FARS2: variants seen among roughly 807,000 people sequenced by gnomAD.
FARS2 encodes the protein phenylalanine--tRNA ligase, mitochondrial.
A neutral mutation model predicts 46.4 loss-of-function variants in FARS2; 40 were observed. The observed-to-expected ratio is 0.86, with a 90% confidence interval of 0.67 to 1.12. The LOEUF (loss-of-function observed/expected upper bound fraction) is 1.12. Ranked by LOEUF, FARS2 falls within the 50% of genes most tolerant of loss-of-function variation. The probability of loss-of-function intolerance (pLI) is 0.00; values close to 1 mark genes in which losing one functional copy is unlikely to be tolerated. For synonymous variants in FARS2, 234 were observed against 214.9 expected (o/e 1.09, Z -0.78); for missense variants, 513 against 567.9 (o/e 0.90, Z 0.98).
At chr6:5,620,842 T>C (rs1055173188) in intron 6 of FARS2, among the ~76,000 whole-genome samples, 2 of 152,222 alleles carry the variant, frequency 1.3e-5, no homozygotes, top group African/African-American at 4.8e-5. Context: ...CTGCCCAGGG[T>C]CTAGTTAGCC....
At chr6:5,698,275 A>T (rs529697339) in intron 6 of FARS2, among the ~76,000 whole-genome samples, 53 of 152,316 alleles carry the variant, frequency 3.5e-4, no homozygotes, top group African/African-American at 1.2e-3. Flanking sequence ...GGAAGCTCAC[A>T]ATCATGGTGG....
chr6:5,520,710 T>C (rs1769081514), intron 4 of FARS2, among the ~76,000 whole-genome samples: 1 of 152,178 alleles, frequency 6.6e-6, no homozygotes, highest in South Asian at 2.1e-4. Context: ...GATGAAGCCA[T>C]ATTTTTCAAA....
chr6:5,692,170 T>C (rs979906657), intron 6 of FARS2, among the ~76,000 whole-genome samples: 3 of 152,238 alleles, frequency 2.0e-5, no homozygotes, highest in African/African-American at 7.2e-5. Context: ...CTTCGGCTCA[T>C]GCTCGGTGCG....
chr6:5,584,006 T>A (rs1216859067), intron 5 of FARS2, among the ~76,000 whole-genome samples: 1 of 152,030 alleles, frequency 6.6e-6, no homozygotes, highest in East Asian at 1.9e-4. Context: ...GAAGGAAGGA[T>A]TTTTCCAGGA....
intron 1 of FARS2, among the ~76,000 whole-genome samples, chr6:5,308,392 C>A (rs116052455): frequency 6.6e-6 from 1 of 152,190 alleles, no homozygotes; most frequent in Non-Finnish European, 1.5e-5. Context: ...CAGCAACTCC[C>A]GATGGATGCC....
At chr6:5,587,811 ACCTTGG>A (rs1162410191) in intron 5 of FARS2, among the ~76,000 whole-genome samples, 1 of 152,128 alleles carries the variant, frequency 6.6e-6, no homozygotes, top group African/African-American at 2.4e-5. Context: ...CCATTGTGTG[ACCTTGG>A]GATCATAACT....
intron 6 of FARS2, among the ~76,000 whole-genome samples, chr6:5,655,836 A>C (rs1044429530): frequency 3.3e-5 from 5 of 152,220 alleles, no homozygotes; most frequent in African/African-American, 1.2e-4. Context: ...AAACATTTTT[A>C]AAACTCAGCT....
intron 1 of FARS2, among the ~76,000 whole-genome samples, chr6:5,298,221 C>G (rs941845764): frequency 2.0e-5 from 3 of 152,214 alleles, no homozygotes; most frequent in African/African-American, 7.2e-5. Flanking sequence ...TGTGTCACTT[C>G]ATGTCACTCT....
In FARS2 at chr6:5,343,216, A is replaced by G. The variant is rs1037507691; in HGVS notation, c.-21-25334A>G. 2.0e-5 allele frequency among the ~76,000 whole-genome samples: 3 copies of G among 151,948 alleles called. No homozygotes were observed. The highest frequency in any genetic ancestry group is 1.9e-4 in the East Asian group (1 of 5,192). On this transcript the variant is annotated intron_variant, in intron 1 of 6. Transcript: ENST00000274680. The surrounding 1 kb of genome is among the most constrained non-coding windows in gnomAD (Gnocchi z 4.5). The stretch of plus-strand genomic sequence containing the variant: ...AACTGTACATTTCATTTATTTATCT[A>G]TTTATTTATTTAGAGATGGAATTTC...
intron 4 of FARS2, among the ~76,000 whole-genome samples, chr6:5,514,097 TA>T (rs1768633648): frequency 6.6e-6 from 1 of 151,514 alleles, no homozygotes; most frequent in Non-Finnish European, 1.5e-5. Context: ...GACATATATA[TA>T]TATATATATA....
At chr6:5,443,378 CTG>C (rs1763951769) in intron 4 of FARS2, among the ~76,000 whole-genome samples, 1 of 152,236 alleles carries the variant, frequency 6.6e-6, no homozygotes, top group Admixed American at 6.5e-5. Flanking sequence ...CTCCCTGTAT[CTG>C]TGCACTTGGT....
At chr6:5,366,283 G>C (rs1758671064) in intron 1 of FARS2, among the ~76,000 whole-genome samples, 1 of 152,194 alleles carries the variant, frequency 6.6e-6, no homozygotes, top group Non-Finnish European at 1.5e-5. Flanking sequence ...TGAAATGGAA[G>C]AACAATGTAT....
upstream of FARS2, among the ~76,000 whole-genome samples, chr6:5,260,352 T>C (rs945204498): frequency 2.6e-5 from 4 of 152,250 alleles, no homozygotes; most frequent in African/African-American, 9.6e-5. Context: ...TTTTCTCTTC[T>C]GCAGAAACAT....
chr6:5,499,964 A>G (rs550253005), intron 4 of FARS2, among the ~76,000 whole-genome samples: 1 of 152,170 alleles, frequency 6.6e-6, no homozygotes, highest in Non-Finnish European at 1.5e-5. Flanking sequence ...CTCTGCATAC[A>G]TTAATACAAG....
intron 2 of FARS2, among the ~76,000 whole-genome samples, chr6:5,389,650 C>T (rs1895645): frequency 0.63 from 95,920 of 151,938 alleles, 31,046 homozygotes; most frequent in African/African-American, 0.76. Context: ...ATTGGTGATA[C>T]GGTAGTGGCT....
At chr6:5,252,430 GCTCAGTCCAACA>G in the FARS2 span, among the ~76,000 whole-genome samples, 1 of 152,098 alleles carries the variant, frequency 6.6e-6, no homozygotes, top group Non-Finnish European at 1.5e-5. Flanking sequence ...ATGACATTTA[GCTCAGTCCAACA>G]CTTCAGCCAC....
Position 5,356,901 on chromosome 6 carries a change from C to T in FARS2, c.-21-11649C>T, listed in dbSNP as rs553618371. Among the ~76,000 whole-genome samples the T allele has an allele frequency of 3.6e-4, 54 of 151,392 alleles. 1 individual carries two copies. Among genetic ancestry groups the T allele is most frequent in the Admixed American group, 2.8e-3 (43 of 15,206 alleles). ...TGATTTTGTGTATTGCTAATCCTTA[C>T]AACAGACCTACAAAGGTTATAGAGA... On this transcript the variant is annotated intron_variant, in intron 1 of 6. Transcript: ENST00000274680.
At chr6:5,281,588 T>A (rs1212428697) in intron 1 of FARS2, among the ~76,000 whole-genome samples, 1 of 152,170 alleles carries the variant, frequency 6.6e-6, no homozygotes, top group Non-Finnish European at 1.5e-5. Flanking sequence ...CATCCCACAC[T>A]GAAACTCTGT....
intron 4 of FARS2, among the ~76,000 whole-genome samples, chr6:5,491,060 A>G (rs1767076400): frequency 6.6e-6 from 1 of 152,236 alleles, no homozygotes; most frequent in South Asian, 2.1e-4. Flanking sequence ...GAATACAAGG[A>G]GAGTTCCATC....
Sources: gnomAD v4.1 joint callset for allele counts (sites outside exome capture counted in the v4.1 genomes callset) on GRCh38, gnomAD v4.1.1 for gene constraint, Gnocchi (gnomAD v3.1) non-coding constraint, MANE v1.5 for transcripts, NCBI Gene and HGNC (gene_info 2026-07-23, HGNC 2026-07-21) for gene names.